The following LACTBL1 variants were observed in gnomAD, a reference collection of about 807,000 sequenced individuals.
LACTBL1 encodes the protein lactamase beta like 1.
Under a neutral mutation model 39.6 loss-of-function variants are expected in LACTBL1, and 29 were observed. The observed-to-expected ratio is 0.73, with a 90% confidence interval of 0.55 to 1.00. The LOEUF is 1.00. Among genes scored for constraint, LACTBL1 ranks in the 50% least tolerant of loss-of-function variants. The pLI, the probability that LACTBL1 is intolerant of heterozygous loss-of-function variation, is 0.00. For missense variants in LACTBL1, 711 were observed against 748.5 expected (o/e 0.95, Z 0.59); for synonymous variants, 361 against 360.7 (o/e 1.00, Z -0.01).
exon 3 of LACTBL1, chr1:22,960,077 G>C (rs1285114245): frequency 1.3e-5 from 20 of 1,550,522 alleles, no homozygotes; most frequent in Non-Finnish European, 1.7e-5. Flanking sequence ...GGCAGACATT[G>C]CCTGGCGCAG....
At position 22,953,992 on chromosome 1, in the gene LACTBL1, A is replaced by T. The variant is rs1180539311; in HGVS notation, c.692T>A (p.Leu231Gln). 3.9e-6 allele frequency: 6 copies of T among 1,543,858 alleles called. No homozygotes were observed. The East Asian group carries it at 1.5e-4, about 38-fold the overall frequency. ...GGTGTGAGCTGCCAGGACGTGGGCCAGGAGCGAGAAGGCCAGCGTGCTGTA... is the reference window on the plus strand; with the variant it reads ...GGTGTGAGCTGCCAGGACGTGGGCCTGGAGCGAGAAGGCCAGCGTGCTGTA... The change falls in exon 6 of 6, where the codon CTG becomes CAG. Residue 231 changes from leucine to glutamine, a missense_variant. Transcript: ENST00000426928.
At chr1:22,962,835 C>A (rs1210164214) in intron 2 of LACTBL1, among the ~76,000 whole-genome samples, 1 of 152,084 alleles carries the variant, frequency 6.6e-6, no homozygotes, top group Non-Finnish European at 1.5e-5. Context: ...CCCCAAAGTC[C>A]CCTAAACTTT....
chr1:22,958,865 C>A lies in LACTBL1; in HGVS notation c.373G>T (p.Glu125Ter). Residue 125 changes from glutamate to a stop codon, truncating the protein, a stop_gained, in exon 4 of 6, where the codon GAG becomes TAG. Coordinates refer to ENST00000426928, the Ensembl canonical transcript of LACTBL1. LOFTEE classifies it high-confidence loss of function. The stretch of plus-strand genomic sequence containing the variant: ...TCATCTAGGGAGGCCACGATGCCCT[C>A]CTCCCACAGACGGTACAGCATGAGG... 1 of 1,550,594 alleles carries A rather than the reference C, an allele frequency of 6.4e-7. No homozygotes were observed. Among genetic ancestry groups the A allele is most frequent in the South Asian group, 1.2e-5 (1 of 84,056 alleles).
At chr1:22,958,824 A>G in exon 4 of LACTBL1, 1 of 1,550,674 alleles carries the variant, frequency 6.4e-7, no homozygotes, top group Non-Finnish European at 8.7e-7. Flanking sequence ...AGGTGCTGGC[A>G]TACCGCTCCA....
upstream of LACTBL1, among the ~76,000 whole-genome samples, chr1:22,968,060 A>G (rs748902730): frequency 6.6e-6 from 1 of 152,154 alleles, no homozygotes; most frequent in Non-Finnish European, 1.5e-5. Flanking sequence ...TTATTCTTTT[A>G]CTATGTGTTT....
At chr1:22,960,510 G>A (rs1389569580) in intron 2 of LACTBL1, among the ~76,000 whole-genome samples, 2 of 151,466 alleles carry the variant, frequency 1.3e-5, no homozygotes, top group Non-Finnish European at 2.9e-5. Context: ...CCAGCTACTT[G>A]GGAGGCTGAG....
At chr1:22,967,129 G>C (rs1231932230), upstream of LACTBL1, among the ~76,000 whole-genome samples, 1 of 152,188 alleles carries the variant, frequency 6.6e-6, no homozygotes, top group East Asian at 1.9e-4. Flanking sequence ...AGCACTTTGA[G>C]AGGCCAAGGC....
exon 6 of LACTBL1, chr1:22,953,299 G>A (rs1640723717): frequency 1.6e-6 from 2 of 1,226,278 alleles, no homozygotes; most frequent in South Asian, 4.1e-5. Context: ...AGGCACCAGC[G>A]CCTCCACGCG....
upstream of LACTBL1, among the ~76,000 whole-genome samples, chr1:22,969,685 T>TC (rs1640919247): frequency 6.6e-6 from 1 of 151,732 alleles, no homozygotes; most frequent in African/African-American, 2.4e-5. Flanking sequence ...TGCCATTCCT[T>TC]GGGGCTGTGG....
At chr1:22,953,183 A>G in exon 6 of LACTBL1, 1 of 1,232,142 alleles carries the variant, frequency 8.1e-7, no homozygotes, top group Non-Finnish European at 1.0e-6. Context: ...GCCTCGAGCG[A>G]GAGCCACGCG....
chr1:22,955,339 A>G, exon 5 of LACTBL1: 2 of 1,550,482 alleles, frequency 1.3e-6, no homozygotes, highest in East Asian at 4.9e-5. Flanking sequence ...CGGGTCCACT[A>G]CCAGCACATC....
chr1:22,972,139 A>AGATGATGAT, the LACTBL1 span, among the ~76,000 whole-genome samples: 114 of 148,372 alleles, frequency 7.7e-4, no homozygotes, highest in Admixed American at 2.5e-3. Context: ...CAAGCTCTAG[A>AGATGATGAT]GATGATGATG....
upstream of LACTBL1, among the ~76,000 whole-genome samples, chr1:22,967,179 G>C (rs909679521): frequency 6.6e-6 from 1 of 152,094 alleles, no homozygotes; most frequent in East Asian, 1.9e-4. Context: ...AACCAGCCTG[G>C]GCAACATGGC....
chr1:22,972,733 C>G, the LACTBL1 span, among the ~76,000 whole-genome samples: 1 of 152,172 alleles, frequency 6.6e-6, no homozygotes, highest in Non-Finnish European at 1.5e-5. Context: ...CTGCAGAGAA[C>G]AATCTGGTCA....
intron 2 of LACTBL1, among the ~76,000 whole-genome samples, chr1:22,960,489 C>T (rs1261040523): frequency 6.6e-6 from 1 of 151,770 alleles, no homozygotes; most frequent in African/African-American, 2.4e-5. Context: ...TGGTGGCGGG[C>T]GCCTGTAATC....
exon 6 of LACTBL1, chr1:22,953,419 G>A: frequency 4.1e-6 from 5 of 1,227,664 alleles, no homozygotes; most frequent in Non-Finnish European, 4.1e-6. Context: ...GGTGGGCGGC[G>A]GAGCCGGGCC....
At chr1:22,963,317 TC>T in intron 1 of LACTBL1, 101 bp from the exon 4 acceptor site, 3 of 597,956 alleles carry the variant, frequency 5.0e-6, no homozygotes, top group Non-Finnish European at 7.8e-6. Flanking sequence ...AGGACAGCCC[TC>T]CCCAGCCGAG....
chr1:22,961,818 C>T (rs1640825562), intron 2 of LACTBL1, among the ~76,000 whole-genome samples: 1 of 152,162 alleles, frequency 6.6e-6, no homozygotes. Context: ...ACGATCTCGG[C>T]TCACTGCAAC....
At chr1:22,967,381 T>A (rs1640891300), upstream of LACTBL1, among the ~76,000 whole-genome samples, 1 of 151,458 alleles carries the variant, frequency 6.6e-6, no homozygotes, top group Non-Finnish European at 1.5e-5. Flanking sequence ...AATAAATAAA[T>A]ATAAAAATAA....
Sources: gnomAD v4.1 joint callset for allele counts (sites outside exome capture counted in the v4.1 genomes callset) on GRCh38, gnomAD v4.1.1 for gene constraint, MANE v1.5 for transcripts, NCBI Gene and HGNC (gene_info 2026-07-23, HGNC 2026-07-21) for gene names.